The following NKAIN2 variants were observed in gnomAD, a reference collection of about 807,000 sequenced individuals.
NKAIN2 encodes the protein sodium/potassium transporting ATPase interacting 2, also known as sodium/potassium-transporting ATPase subunit beta-1-interacting protein 2.
NKAIN2 carries 14 observed loss-of-function variants against 32.6 expected under a neutral mutation model. That is an observed-to-expected ratio of 0.43 (90% CI 0.28 to 0.67). The LOEUF (loss-of-function observed/expected upper bound fraction) is 0.67, where lower values mean the gene tolerates loss of function less well. NKAIN2 is among the 30% of genes least tolerant of loss of function. NKAIN2 has a pLI of 0.17. For synonymous variants in NKAIN2, 80 were observed against 87.2 expected, an observed-to-expected ratio of 0.92 and a Z score of 0.46; for missense variants, 198 against 258.3, an observed-to-expected ratio of 0.77 and a Z score of 1.60.
intron 2 of NKAIN2, among the ~76,000 whole-genome samples, chr6:124,331,378 A>T (rs1281847684): frequency 1.4e-5 from 2 of 137,936 alleles, no homozygotes; most frequent in Non-Finnish European, 3.1e-5. Context: ...AAAAAAAAAA[A>T]ACTAGCTGGG....
intron 2 of NKAIN2, among the ~76,000 whole-genome samples, chr6:124,308,314 C>T (rs1796592067): frequency 6.6e-6 from 1 of 152,122 alleles, no homozygotes; most frequent in Non-Finnish European, 1.5e-5. Context: ...CTGAAAAGGA[C>T]ATTAACTCAT....
intron 1 of NKAIN2, among the ~76,000 whole-genome samples, chr6:123,813,280 C>T (rs557092104): frequency 2.0e-5 from 3 of 152,282 alleles, no homozygotes; most frequent in African/African-American, 7.2e-5. Context: ...ATGGCACCTG[C>T]AGTGGTGGAA....
At chr6:123,877,568 A>G (rs994310844) in intron 1 of NKAIN2, among the ~76,000 whole-genome samples, 4 of 152,200 alleles carry the variant, frequency 2.6e-5, no homozygotes. Flanking sequence ...GTTCAGTCCC[A>G]TGCACTCTAG....
At chr6:124,194,548 GT>G (rs910102748) in intron 1 of NKAIN2, among the ~76,000 whole-genome samples, 14 of 151,646 alleles carry the variant, frequency 9.2e-5, no homozygotes, top group African/African-American at 2.4e-4. Flanking sequence ...CATTCCTTCT[GT>G]TTTTTTCTTC....
At chr6:124,484,291 C>G (rs1192184283) in intron 3 of NKAIN2, among the ~76,000 whole-genome samples, 1 of 152,118 alleles carries the variant, frequency 6.6e-6, no homozygotes, top group African/African-American at 2.4e-5. Flanking sequence ...GTTCTATGAA[C>G]TTGGGGTTCA....
chr6:124,703,384 C>T (rs927225241), intron 4 of NKAIN2, among the ~76,000 whole-genome samples: 1 of 152,022 alleles, frequency 6.6e-6, no homozygotes, highest in Non-Finnish European at 1.5e-5. Context: ...AGCATTGTTT[C>T]CTTACTTGGG....
At chr6:124,765,734 C>G (rs907843376) in intron 4 of NKAIN2, among the ~76,000 whole-genome samples, 8 of 152,192 alleles carry the variant, frequency 5.3e-5, no homozygotes, top group African/African-American at 1.9e-4. Context: ...TGTACCACCA[C>G]CCTGAATCTC....
At chr6:124,814,999 C>A (rs1473445046) in intron 5 of NKAIN2, among the ~76,000 whole-genome samples, 5 of 151,774 alleles carry the variant, frequency 3.3e-5, no homozygotes, top group Non-Finnish European at 7.4e-5. Flanking sequence ...GGAGACCTTA[C>A]TGTTTTTGTC....
At chr6:124,090,033 C>G (rs1179823572) in intron 1 of NKAIN2, among the ~76,000 whole-genome samples, 1 of 151,902 alleles carries the variant, frequency 6.6e-6, no homozygotes, top group African/African-American at 2.4e-5. Context: ...TTCCCCCAAA[C>G]CTTAATATTA....
intron 3 of NKAIN2, among the ~76,000 whole-genome samples, chr6:124,597,733 G>C (rs1782148308): frequency 6.6e-6 from 1 of 152,120 alleles, no homozygotes; most frequent in African/African-American, 2.4e-5. Flanking sequence ...GAAAATTATA[G>C]AATTCAACTT....
intron 4 of NKAIN2, among the ~76,000 whole-genome samples, chr6:124,659,835 G>T (rs1009887878): frequency 2.0e-5 from 3 of 151,920 alleles, no homozygotes; most frequent in Non-Finnish European, 4.4e-5. Context: ...TAAAGAGGAA[G>T]GGCTGTTTAT....
chr6:124,089,309 C>G (rs1784322388), intron 1 of NKAIN2, among the ~76,000 whole-genome samples: 1 of 151,808 alleles, frequency 6.6e-6, no homozygotes, highest in Non-Finnish European at 1.5e-5. Flanking sequence ...GCCTGAAAGT[C>G]ATGGTCTTTC....
At chr6:124,540,226 T>G (rs2114842448) in intron 3 of NKAIN2, among the ~76,000 whole-genome samples, 1 of 152,316 alleles carries the variant, frequency 6.6e-6, no homozygotes, top group Admixed American at 6.5e-5. Flanking sequence ...TGAATTAAAT[T>G]TCAAACAAAT....
chr6:124,332,376 A>G (rs976779835), intron 2 of NKAIN2, among the ~76,000 whole-genome samples: 3 of 152,098 alleles, frequency 2.0e-5, no homozygotes, highest in Non-Finnish European at 4.4e-5. Context: ...TGGAATGATT[A>G]CTACACACGA....
At chr6:123,966,980 G>A (rs573409021) in intron 1 of NKAIN2, among the ~76,000 whole-genome samples, 7 of 152,034 alleles carry the variant, frequency 4.6e-5, no homozygotes, top group Middle Eastern at 3.2e-3. Context: ...AAAATCTCCC[G>A]AGTCCTAAAG....
rs1227390175 is a variant in NKAIN2 at position 124,772,801 on chromosome 6, CTG to C, written c.475-18535_475-18534del. On this transcript the variant is annotated intron_variant, in intron 4 of 6. Coordinates refer to ENST00000368417, the MANE Select transcript of NKAIN2 (RefSeq NM_001040214.3). Reference sequence around the variant, plus strand: ...TTCTGTTAACGAAAAAACTCAGACACTGTGGAATCCAAAAGCAGGAAGGATGG... The same window carrying C: ...TTCTGTTAACGAAAAAACTCAGACACTGGAATCCAAAAGCAGGAAGGATGG... Among the ~76,000 whole-genome samples, 3 of 152,262 alleles carry C rather than the reference CTG, an allele frequency of 2.0e-5. No individual in the cohort carries two copies. The East Asian group carries it at 5.8e-4, about 29-fold the overall frequency.
At chr6:124,284,036 ATC>A (rs1795435302) in intron 2 of NKAIN2, among the ~76,000 whole-genome samples, 1 of 136,970 alleles carries the variant, frequency 7.3e-6, no homozygotes, top group South Asian at 2.5e-4. Context: ...TCTCTCCATC[ATC>A]TAGAACCCAG....
At chr6:124,428,359 C>T (rs1016718449) in intron 3 of NKAIN2, among the ~76,000 whole-genome samples, 2 of 152,096 alleles carry the variant, frequency 1.3e-5, no homozygotes, top group Non-Finnish European at 2.9e-5. Flanking sequence ...ATACTATATA[C>T]GACACTTTGT....
chr6:124,477,071 A>T (rs955499631), intron 3 of NKAIN2, among the ~76,000 whole-genome samples: 2 of 152,054 alleles, frequency 1.3e-5, no homozygotes, highest in Non-Finnish European at 2.9e-5. Flanking sequence ...ATGACTCTGC[A>T]TTAATTTTTT....
Sources: allele counts gnomAD v4.1 joint callset (sites outside exome capture counted in the v4.1 genomes callset), GRCh38; gene constraint gnomAD v4.1.1; transcripts MANE v1.5; gene names NCBI Gene and HGNC (gene_info 2026-07-23, HGNC 2026-07-21).